The following PCDH15 variants were observed in gnomAD, a reference collection of about 807,000 sequenced individuals.
The protein encoded by PCDH15 is protocadherin-15.
PCDH15 carries 129 observed loss-of-function variants against 178.5 expected under a neutral mutation model. That is an observed-to-expected ratio of 0.72 (90% CI 0.63 to 0.84). PCDH15 has a LOEUF of 0.84. PCDH15 is among the 40% of genes least tolerant of loss of function. PCDH15 has a pLI of 0.00. For synonymous variants in PCDH15, 800 were observed against 732.0 expected (o/e 1.09, Z -1.50); for missense variants, 2,230 against 2,099.9 (o/e 1.06, Z -1.21).
chr10:54,242,714 T>C (rs2055538033), intron 8 of PCDH15, among the ~76,000 whole-genome samples: 1 of 152,132 alleles, frequency 6.6e-6, no homozygotes, highest in Non-Finnish European at 1.5e-5. Flanking sequence ...TATTCTCAAC[T>C]TGGCATTTGA....
intron 7 of PCDH15, among the ~76,000 whole-genome samples, chr10:54,324,765 AAAAT>A (rs1173095085): frequency 1.3e-5 from 2 of 152,068 alleles, no homozygotes; most frequent in South Asian, 2.1e-4. Flanking sequence ...ACCCCATCTC[AAAAT>A]AAATAAATAA....
chr10:53,843,750 T>C (rs992114016), intron 28 of PCDH15, among the ~76,000 whole-genome samples: 3 of 152,100 alleles, frequency 2.0e-5, no homozygotes, highest in South Asian at 2.1e-4. Context: ...AAAAATTAAA[T>C]TGGATTCAGG....
intron 2 of PCDH15, among the ~76,000 whole-genome samples, chr10:55,598,518 A>ATG (rs1842984352): frequency 1.7e-4 from 1 of 5,872 alleles, no homozygotes; most frequent in African/African-American, 1.4e-3. Flanking sequence ...ACCCTAATAT[A>ATG]TATATATATA....
chr10:55,449,389 C>T (rs1475375559), intron 2 of PCDH15, among the ~76,000 whole-genome samples: 1 of 151,988 alleles, frequency 6.6e-6, no homozygotes, highest in African/African-American at 2.4e-5. Context: ...CATAACAAAT[C>T]ATAGGAGACT....
At chr10:54,316,693 T>C (rs1564946840) in intron 8 of PCDH15, among the ~76,000 whole-genome samples, 2 of 152,044 alleles carry the variant, frequency 1.3e-5, no homozygotes, top group Admixed American at 6.6e-5. Context: ...AGCTGTGAAA[T>C]CCAAACTGAC....
chr10:54,013,186 G>C (rs1403658211), intron 20 of PCDH15, among the ~76,000 whole-genome samples: 1 of 151,954 alleles, frequency 6.6e-6, no homozygotes, highest in African/African-American at 2.4e-5. Context: ...AATGGTAAAG[G>C]ATACAATGCA....
At position 55,548,210 on chromosome 10, in the gene PCDH15, G is replaced by GCGCACA. The variant is rs386371439; in HGVS notation, c.-156+79414_-156+79415insTGTGCG. ...GCCAAACCCTCTCTAAATGCCTAAT[G>GCGCACA]CACACACACACACACACACACACAC... is the stretch of plus-strand genomic sequence containing the variant. On this transcript the variant is annotated intron_variant, in intron 2 of 5. Coordinates refer to the PCDH15 transcript ENST00000613346. 9.6e-3 allele frequency among the ~76,000 whole-genome samples: 1,169 copies of GCGCACA among 121,262 alleles called. 14 individuals carry two copies. Among genetic ancestry groups the GCGCACA allele is most frequent in the South Asian group, 0.015 (46 of 3,138 alleles). The allele number at this position is 121,262 out of a possible 152,430, so 79.6% of individuals were successfully genotyped here. A position where few individuals can be genotyped will look rare whatever the true frequency, so the allele number is the denominator to read the frequency against.
chr10:54,314,130 T>TAC (rs58949602), intron 8 of PCDH15, among the ~76,000 whole-genome samples: 3,604 of 149,784 alleles, frequency 0.024, 47 homozygotes, highest in Middle Eastern at 0.049. Flanking sequence ...TAATTGGAAG[T>TAC]ACACACACAC....
intron 8 of PCDH15, among the ~76,000 whole-genome samples, chr10:54,272,660 A>T (rs1327967812): frequency 6.6e-6 from 1 of 152,158 alleles, no homozygotes; most frequent in Non-Finnish European, 1.5e-5. Flanking sequence ...CCGTTTTCTA[A>T]AACTGAGCAT....
intron 13 of PCDH15, among the ~76,000 whole-genome samples, chr10:54,159,672 T>C (rs775161132): frequency 4.6e-5 from 7 of 152,162 alleles, no homozygotes; most frequent in Non-Finnish European, 8.8e-5. Flanking sequence ...AGATACCATG[T>C]AATCATTAAT....
At chr10:54,427,083 T>A (rs939495065) in intron 3 of PCDH15, among the ~76,000 whole-genome samples, 2 of 151,850 alleles carry the variant, frequency 1.3e-5, no homozygotes, top group African/African-American at 4.8e-5. Context: ...AATTACCATT[T>A]TTGTGAAGAT....
intron 8 of PCDH15, among the ~76,000 whole-genome samples, chr10:54,312,579 G>A (rs555532527): frequency 5.3e-5 from 8 of 152,030 alleles, no homozygotes; most frequent in Non-Finnish European, 1.2e-4. Flanking sequence ...ACAACCCACT[G>A]TCTTGCTGTG....
chr10:54,925,912 C>A (rs959012575), intron 2 of PCDH15, among the ~76,000 whole-genome samples: 1 of 152,002 alleles, frequency 6.6e-6, no homozygotes, highest in African/African-American at 2.4e-5. Context: ...AGTTTGATTT[C>A]TTCTTTTTCT....
At chr10:55,168,297 G>A (rs1436391479) in intron 1 of PCDH15, among the ~76,000 whole-genome samples, 3 of 151,990 alleles carry the variant, frequency 2.0e-5, no homozygotes, top group African/African-American at 7.2e-5. Context: ...ACAACTCCAA[G>A]TTTCCATAGA....
At chr10:54,219,857 A>AGG (rs2052590792) in intron 9 of PCDH15, among the ~76,000 whole-genome samples, 2 of 152,014 alleles carry the variant, frequency 1.3e-5, no homozygotes, top group Non-Finnish European at 2.9e-5. Context: ...TTATTTTATA[A>AGG]GCATAAATTC....
rs949888161 is a variant in PCDH15, at chr10:55,229,347, G to T, written c.-155-62696C>A. Among the ~76,000 whole-genome samples the T allele has an allele frequency of 4.6e-5, 7 of 151,566 alleles. No individual in the cohort carries two copies. The South Asian group carries it at 8.3e-4, about 18-fold the overall frequency. ...TATCCAAAATTATAATAAAATAGAG[G>T]TTTATAATCTGTTGTTATAAAAAGC... On this transcript the variant is annotated intron_variant, in intron 1 of 5. Transcript: ENST00000458638.
intron 1 of PCDH15, among the ~76,000 whole-genome samples, chr10:55,195,134 C>A (rs1469893904): frequency 6.6e-6 from 1 of 151,660 alleles, no homozygotes; most frequent in Non-Finnish European, 1.5e-5. Flanking sequence ...AGCTATTCAC[C>A]TGCCTCAGTC....
chr10:53,839,266 A>T (rs1042556793), intron 29 of PCDH15, among the ~76,000 whole-genome samples: 23 of 151,840 alleles, frequency 1.5e-4, no homozygotes, highest in African/African-American at 5.5e-4. Context: ...CTTTTAAAAA[A>T]TTTTAGCTGA....
At chr10:54,430,225 T>G (rs1956804858) in intron 3 of PCDH15, among the ~76,000 whole-genome samples, 1 of 152,028 alleles carries the variant, frequency 6.6e-6, no homozygotes, top group Non-Finnish European at 1.5e-5. Context: ...CCAACTAATT[T>G]TTGTATTTTT....
Sources: gnomAD v4.1 joint callset for allele counts (sites outside exome capture counted in the v4.1 genomes callset) on GRCh38, gnomAD v4.1.1 for gene constraint, MANE v1.5 for transcripts, NCBI Gene and HGNC (gene_info 2026-07-23, HGNC 2026-07-21) for gene names.